The following IBTK variants were observed in gnomAD, a reference collection of about 807,000 sequenced individuals.
IBTK encodes inhibitor of Bruton tyrosine kinase.
A neutral mutation model predicts 154.9 loss-of-function variants in IBTK; 83 were observed. That is an observed-to-expected ratio of 0.54 (90% CI 0.45 to 0.64). The LOEUF (loss-of-function observed/expected upper bound fraction) is 0.64. Ranked by LOEUF, IBTK falls within the 30% of genes least tolerant of loss-of-function variation. The pLI, the probability that IBTK is intolerant of heterozygous loss-of-function variation, is 0.00. For missense variants in IBTK, 1,332 were observed against 1,584.6 expected (o/e 0.84, Z 2.71); for synonymous variants, 515 against 536.1 (o/e 0.96, Z 0.54).
intron 21 of IBTK, among the ~76,000 whole-genome samples, chr6:82,197,172 C>T (rs1769021729): frequency 6.6e-6 from 1 of 152,000 alleles, no homozygotes; most frequent in Non-Finnish European, 1.5e-5. Context: ...AAATGAAGTA[C>T]CAAAATAAGC....
intron 6 of IBTK, among the ~76,000 whole-genome samples, chr6:82,224,799 G>T (rs1414384678): frequency 6.6e-6 from 1 of 152,142 alleles, no homozygotes; most frequent in Non-Finnish European, 1.5e-5. Flanking sequence ...AACCCATTTG[G>T]TATTGATAAA....
Position 82,191,732 on chromosome 6 carries a change from A to G in IBTK, c.3431+55T>C, listed in dbSNP as rs758876230. On this transcript the variant is annotated intron_variant, in intron 24 of 28. Transcript: ENST00000306270. ...AAGAAAGATGCAGTAAGTCTGTCCA[A>G]TTCTTAGGGCAGAAATACAACATGA... 15 of 1,089,264 alleles carry G rather than the reference A, an allele frequency of 1.4e-5. 1 individual carries two copies. In the African/African-American group the frequency reaches 2.3e-4, roughly 17 times the overall value. The allele number at this position is 1,089,264 out of a possible 1,614,324, so 67.5% of individuals were successfully genotyped here.
chr6:82,230,861 C>A (rs528268623), intron 4 of IBTK, among the ~76,000 whole-genome samples: 1 of 152,078 alleles, frequency 6.6e-6, no homozygotes, highest in Non-Finnish European at 1.5e-5. Flanking sequence ...GGATATAAGA[C>A]CACAGACCAA....
intron 21 of IBTK, among the ~76,000 whole-genome samples, chr6:82,196,666 T>C (rs1007880367): frequency 6.6e-6 from 1 of 152,240 alleles, no homozygotes; most frequent in Admixed American, 6.5e-5. Context: ...AATAATTTTA[T>C]TCATTACAAT....
At chr6:82,198,332 C>A (rs1161614671) in intron 21 of IBTK, among the ~76,000 whole-genome samples, 2 of 152,118 alleles carry the variant, frequency 1.3e-5, no homozygotes, top group Non-Finnish European at 2.9e-5. Context: ...ATTCATACAA[C>A]ACAGAGAACA....
chr6:82,174,394 T>A (rs1387516169), intron 26 of IBTK, among the ~76,000 whole-genome samples: 1 of 151,996 alleles, frequency 6.6e-6, no homozygotes, highest in African/African-American at 2.4e-5. Flanking sequence ...GAAGAAAAAA[T>A]ACAATATGGA....
intron 3 of IBTK, among the ~76,000 whole-genome samples, chr6:82,233,191 G>T (rs184279736): frequency 6.6e-6 from 1 of 151,572 alleles, no homozygotes; most frequent in African/African-American, 2.4e-5. Context: ...ATTGGGCATG[G>T]TGGCATGGGT....
chr6:82,233,386 G>A (rs1770590069), intron 3 of IBTK, among the ~76,000 whole-genome samples: 1 of 151,880 alleles, frequency 6.6e-6, no homozygotes, highest in African/African-American at 2.4e-5. Flanking sequence ...ATAACAAAAG[G>A]AATAAAAATT....
intron 26 of IBTK, among the ~76,000 whole-genome samples, chr6:82,177,709 C>T (rs1309335747): frequency 3.3e-5 from 5 of 151,944 alleles, no homozygotes; most frequent in East Asian, 3.9e-4. Flanking sequence ...CCACCACGCC[C>T]GGCCTAATTT....
At chr6:82,200,809 C>T in intron 19 of IBTK, 101 bp from the exon 20 acceptor site, 4 of 1,306,138 alleles carry the variant, frequency 3.1e-6, no homozygotes, top group African/African-American at 1.7e-5. Context: ...GCCATGTTGG[C>T]CAGGCTGTTT....
chr6:82,213,050 C>T (rs990687890), intron 12 of IBTK, among the ~76,000 whole-genome samples: 1 of 149,794 alleles, frequency 6.7e-6, no homozygotes, highest in East Asian at 2.0e-4. Context: ...TTTTTTGAGA[C>T]GAAGCCTCGC....
Position 82,218,143 on chromosome 6 carries a change from A to G in IBTK, c.1249-6T>C. 6.5e-7 allele frequency: 1 copy of G among 1,535,370 alleles called. No homozygotes were observed. The highest frequency in any genetic ancestry group is 1.4e-5 in the African/African-American group (1 of 71,598). ...ACTGATCTCCAGCAAAACACCTAAA[A>G]CAAAACCAAATCACATTGAAATATA... On this transcript the variant is annotated splice_region_variant and splice_polypyrimidine_tract_variant and intron_variant, in intron 9 of 28. Transcript: ENST00000306270.
intron 26 of IBTK, among the ~76,000 whole-genome samples, chr6:82,180,445 G>A (rs1479227570): frequency 6.6e-6 from 1 of 152,042 alleles, no homozygotes; most frequent in Non-Finnish European, 1.5e-5. Context: ...TAGAGACAGG[G>A]TTTCATCATG....
rs1363804214 is a variant in IBTK at position 82,202,584 on chromosome 6, C to G, written c.2673G>C (p.Leu891Phe). 2.5e-6 allele frequency: 4 copies of G among 1,611,666 alleles called. No homozygotes were observed. Among genetic ancestry groups the G allele is most frequent in the Middle Eastern group, 1.7e-4 (1 of 6,040 alleles). ...CTATAAACTGTAAACAAGACAGTTT[C>G]AACTGTTTTGCACTATACATTGCTG... Reference protein sequence around the residue: ...EFAAMYSAKQLKLSCLQFIGL... With the variant: ...EFAAMYSAKQFKLSCLQFIGL... Residue 891 changes from leucine (L) to phenylalanine (F), a missense_variant, in exon 18 of 29, where the codon TTG becomes TTC. Leu to Phe is a conservative substitution (Grantham distance 22, BLOSUM62 0). Coordinates refer to ENST00000306270, the MANE Select transcript of IBTK (RefSeq NM_015525.4).
In IBTK at chr6:82,171,264, A is replaced by T; in HGVS notation, c.*161T>A. 2.2e-6 allele frequency: 1 copy of T among 458,126 alleles called. No homozygotes were observed. The highest frequency in any genetic ancestry group is 2.0e-5 in the African/African-American group (1 of 49,428). 28.4% of individuals were successfully genotyped at this position (458,126 alleles called of 1,614,324 possible). ...TCACAATTCTGAGAAATTTATTTTT[A>T]ATCATACAAACATTATATGATTTAA... On this transcript the variant is annotated 3_prime_UTR_variant, in exon 29 of 29. Transcript: ENST00000306270.
chr6:82,247,429 T>C (rs539916635), intron 1 of IBTK, 133 bp downstream of exon 1: 10 of 394,250 alleles, frequency 2.5e-5, no homozygotes, highest in South Asian at 1.4e-4. Flanking sequence ...GGCCACAGAG[T>C]CCCCTCCCCA....
intron 23 of IBTK, 60 bp downstream of exon 23, chr6:82,194,419 G>T (rs1268096697): frequency 1.9e-6 from 2 of 1,075,952 alleles, no homozygotes; most frequent in Non-Finnish European, 1.3e-6. Flanking sequence ...AAATTAAATT[G>T]CATTAAAAAT....
intron 1 of IBTK, among the ~76,000 whole-genome samples, chr6:82,246,441 C>CTCTTTTTTTTTTTTTTTTT (rs780889890): frequency 3.6e-5 from 4 of 111,676 alleles, no homozygotes; most frequent in East Asian, 2.6e-4. Context: ...TTACAGGCAT[C>CTCTTTTTTTTTTTTTTTTT]TTTTTTTTTT....
At chr6:82,195,209 A>C (rs535686234) in intron 22 of IBTK, among the ~76,000 whole-genome samples, 1 of 152,130 alleles carries the variant, frequency 6.6e-6, no homozygotes, top group Admixed American at 6.5e-5. Context: ...CTTCCTTTAA[A>C]CCTCAATTGT....
Sources: gnomAD v4.1 joint callset for allele counts (sites outside exome capture counted in the v4.1 genomes callset) on GRCh38, gnomAD v4.1.1 for gene constraint, MANE v1.5 for transcripts, NCBI Gene and HGNC (gene_info 2026-07-23, HGNC 2026-07-21) for gene names.